Variants in SLC39A12 observed in about 807,000 individuals in gnomAD.
SLC39A12 encodes solute carrier family 39 member 12, also known as zinc transporter ZIP12.
A neutral mutation model predicts 71.1 loss-of-function variants in SLC39A12; 63 were observed. The ratio of observed to expected loss-of-function variants is 0.89; its 90% CI spans 0.72 to 1.09. The LOEUF (loss-of-function observed/expected upper bound fraction) is 1.09, where lower values mean the gene tolerates loss of function less well. Among genes scored for constraint, SLC39A12 ranks in the 50% least tolerant of loss-of-function variants. The probability of loss-of-function intolerance (pLI) is 0.00; values close to 1 mark genes in which losing one functional copy is unlikely to be tolerated. For synonymous variants in SLC39A12, 351 were observed against 301.3 expected (o/e 1.16, Z -1.71); for missense variants, 892 against 812.6 (o/e 1.10, Z -1.19).
chr10:18,005,072 C>T (rs1355829689), intron 12 of SLC39A12, among the ~76,000 whole-genome samples: 1 of 13,404 alleles, frequency 7.5e-5, no homozygotes, highest in South Asian at 1.9e-3. Flanking sequence ...TGGGGCCTGT[C>T]GGGGGAGGGT....
At chr10:17,993,037 C>T (rs1835594403) in intron 8 of SLC39A12, 144 bp from the exon 9 acceptor site, 1 of 525,422 alleles carries the variant, frequency 1.9e-6, no homozygotes, top group Non-Finnish European at 3.4e-6. Context: ...TTTGAAGTTG[C>T]ATTCCATTCT....
At chr10:18,001,013 A>G (rs1835818413) in intron 11 of SLC39A12, among the ~76,000 whole-genome samples, 188 bp downstream of exon 11, 1 of 152,232 alleles carries the variant, frequency 6.6e-6, no homozygotes, top group Admixed American at 6.5e-5. Context: ...AATAAAATCC[A>G]GTTAAACTCC....
intron 1 of SLC39A12, among the ~76,000 whole-genome samples, chr10:17,952,711 ACTC>A (rs1335274050): frequency 2.0e-5 from 3 of 151,080 alleles, no homozygotes; most frequent in African/African-American, 7.3e-5. Flanking sequence ...CTGGTCTCAA[ACTC>A]CTGACCTCGT....
chr10:18,016,019 C>A (rs1242009499), intron 12 of SLC39A12, among the ~76,000 whole-genome samples: 1 of 152,168 alleles, frequency 6.6e-6, no homozygotes, highest in African/African-American at 2.4e-5. Flanking sequence ...ACATCTGTTA[C>A]AATTCACAAA....
Position 17,987,506 on chromosome 10 carries a change from C to T in SLC39A12, c.1124C>T (p.Thr375Ile), listed in dbSNP as rs761037518. 2.5e-6 allele frequency: 4 copies of T among 1,614,104 alleles called. No individual in the cohort carries two copies. The highest frequency in any genetic ancestry group is 1.3e-5 in the African/African-American group (1 of 75,054). Residue 375 changes from threonine (T) to isoleucine (I), a missense_variant, in exon 7 of 13, where the codon ACC becomes ATC. Transcript: ENST00000377369. ...TACGGCTACAGCACGGTGGCTGTCA[C>T]CCTTCTCACACTGGGCTCCATGCTG... ...EKYGYSTVAV[T>I]LLTLGSMLGT...
At position 17,987,627 on chromosome 10, in the gene SLC39A12, C is replaced by T. The variant is rs150688709; in HGVS notation, c.1245C>T (p.Asp415=). 2,656 of 1,614,164 alleles carry T rather than the reference C, an allele frequency of 1.6e-3. 45 individuals carry two copies. Among genetic ancestry groups the T allele is most frequent in the Middle Eastern group, 1.8e-3 (11 of 6,062 alleles). The change falls in exon 7 of 13, where the codon GAC becomes GAT. Residue 415 remains aspartate (D), a synonymous_variant. Coordinates refer to ENST00000377369, the MANE Select transcript of SLC39A12 (RefSeq NM_001145195.2). ...VGLAVGTLSG[D]ALLHLIPQVL... is the part of the protein sequence containing the mutation. ...TGGCCGTCGGGACACTGTCTGGGGA[C>T]GCTCTGCTCCACCTTATCCCTCAGG...
chr10:18,003,821 A>C (rs1284535986), intron 12 of SLC39A12, among the ~76,000 whole-genome samples: 1 of 152,252 alleles, frequency 6.6e-6, no homozygotes, highest in East Asian at 1.9e-4. Flanking sequence ...ATACAATGGA[A>C]AATAATTCAA....
chr10:17,956,476 T>A (rs1164781716), intron 2 of SLC39A12, among the ~76,000 whole-genome samples: 1 of 152,170 alleles, frequency 6.6e-6, no homozygotes, highest in Admixed American at 6.5e-5. Context: ...CATGTTCTCC[T>A]TAGGAATCAG....
At chr10:17,952,676 C>T (rs691383) in intron 1 of SLC39A12, among the ~76,000 whole-genome samples, 32,115 of 151,538 alleles carry the variant, frequency 0.21, 3,588 homozygotes, top group East Asian at 0.36. Flanking sequence ...TCAGTAGAGA[C>T]GGGGGTGTCA....
In SLC39A12 at chr10:18,018,821, C is replaced by T. The variant is rs79391562; in HGVS notation, c.1947+15463C>T. 3.7e-3 allele frequency among the ~76,000 whole-genome samples: 569 copies of T among 152,152 alleles called. 3 individuals carry two copies. The highest frequency in any genetic ancestry group is 0.013 in the African/African-American group (542 of 41,542). ...GTCTTGCATCTATATTTTTGAGAAG[C>T]GTTGGTCTGTAGTTGATTCATTGGT... is the stretch of plus-strand genomic sequence containing the variant. On this transcript the variant is annotated intron_variant, in intron 12 of 12. Coordinates refer to ENST00000377369, the MANE Select transcript of SLC39A12 (RefSeq NM_001145195.2).
intron 3 of SLC39A12, among the ~76,000 whole-genome samples, chr10:17,964,728 G>C (rs922299464): frequency 6.6e-6 from 1 of 152,226 alleles, no homozygotes; most frequent in African/African-American, 2.4e-5. Flanking sequence ...AGAGGCAGAT[G>C]AGAAGTAGAG....
intron 12 of SLC39A12, among the ~76,000 whole-genome samples, chr10:18,034,492 T>C (rs1399726846): frequency 6.6e-6 from 1 of 152,104 alleles, no homozygotes; most frequent in Non-Finnish European, 1.5e-5. Context: ...TTGTTTTCCA[T>C]TAGCTTGGTA....
chr10:17,962,094 G>T (rs782066994), intron 3 of SLC39A12, among the ~76,000 whole-genome samples: 1 of 152,128 alleles, frequency 6.6e-6, no homozygotes, highest in African/African-American at 2.4e-5. Context: ...GGGTGGACAG[G>T]CAGTCCAGGT....
At chr10:18,040,791 C>G (rs1354327901) in intron 12 of SLC39A12, among the ~76,000 whole-genome samples, 1 of 145,618 alleles carries the variant, frequency 6.9e-6, no homozygotes, top group Non-Finnish European at 1.5e-5. Context: ...AAAAAAGTGT[C>G]AAGCCATTTT....
At chr10:18,035,523 A>G (rs1331028649) in intron 12 of SLC39A12, among the ~76,000 whole-genome samples, 4 of 149,448 alleles carry the variant, frequency 2.7e-5, no homozygotes, top group Non-Finnish European at 5.9e-5. Flanking sequence ...ACTTCTCTGT[A>G]TTGGTTATTC....
intron 4 of SLC39A12, among the ~76,000 whole-genome samples, chr10:17,971,621 G>A (rs116700356): frequency 0.015 from 2,278 of 151,942 alleles, 43 homozygotes; most frequent in African/African-American, 0.044. Flanking sequence ...ATTTATTGGC[G>A]TATGGTTACT....
chr10:18,029,073 A>G (rs1025625977), intron 12 of SLC39A12, among the ~76,000 whole-genome samples: 3 of 150,974 alleles, frequency 2.0e-5, no homozygotes, highest in Non-Finnish European at 4.4e-5. Flanking sequence ...GAGTTTCACC[A>G]TGTTAGCCAG....
At chr10:18,026,296 T>A (rs1023970651) in intron 12 of SLC39A12, among the ~76,000 whole-genome samples, 1 of 152,168 alleles carries the variant, frequency 6.6e-6, no homozygotes, top group Non-Finnish European at 1.5e-5. Flanking sequence ...TATTTCTCCT[T>A]CACTTTTGAA....
At chr10:18,027,397 A>G (rs1050246468) in intron 12 of SLC39A12, among the ~76,000 whole-genome samples, 13 of 152,262 alleles carry the variant, frequency 8.5e-5, no homozygotes, top group African/African-American at 2.7e-4. Flanking sequence ...TAAGAGCAGA[A>G]TGCTCTGGTA....
Sources: allele counts gnomAD v4.1 joint callset (sites outside exome capture counted in the v4.1 genomes callset), GRCh38; gene constraint gnomAD v4.1.1; transcripts MANE v1.5; gene names NCBI Gene and HGNC (gene_info 2026-07-23, HGNC 2026-07-21).